LYPLAL1: variants seen among roughly 807,000 people sequenced by gnomAD.
LYPLAL1 encodes the protein lysophospholipase like 1.
A neutral mutation model predicts 19.7 loss-of-function variants in LYPLAL1; 23 were observed. The observed-to-expected ratio is 1.17, with a 90% CI of 0.84 to 1.65. The LOEUF (loss-of-function observed/expected upper bound fraction) is 1.65, where lower values mean the gene tolerates loss of function less well. Among genes scored for constraint, LYPLAL1 ranks in the 40% most tolerant of loss-of-function variants. LYPLAL1 has a pLI of 0.00. For synonymous variants in LYPLAL1, 119 were observed against 96.3 expected (o/e 1.24, Z -1.38); for missense variants, 355 against 279.4 (o/e 1.27, Z -1.93).
At chr1:219,181,469 A>G (rs1656276239) in intron 2 of LYPLAL1, among the ~76,000 whole-genome samples, 1 of 152,214 alleles carries the variant, frequency 6.6e-6, no homozygotes, top group African/African-American at 2.4e-5. Flanking sequence ...ATTAGTAGCA[A>G]AACATAGAAG....
chr1:219,274,674 G>A, the LYPLAL1 span, among the ~76,000 whole-genome samples: 16 of 152,022 alleles, frequency 1.1e-4, no homozygotes, highest in African/African-American at 3.1e-4. Context: ...ATGAGCCACC[G>A]CCCCCGGCCA....
chr1:219,304,047 C>A, the LYPLAL1 span, among the ~76,000 whole-genome samples: 1 of 152,170 alleles, frequency 6.6e-6, no homozygotes, highest in East Asian at 1.9e-4. Context: ...CAATGATTTA[C>A]AAACATAAAG....
At chr1:219,428,326 G>A in the LYPLAL1 span, among the ~76,000 whole-genome samples, 1 of 152,084 alleles carries the variant, frequency 6.6e-6, no homozygotes, top group Admixed American at 6.5e-5. Flanking sequence ...GTTTTGCCAG[G>A]GAAACATGAC....
At chr1:219,339,089 A>AC in the LYPLAL1 span, among the ~76,000 whole-genome samples, 2 of 151,912 alleles carry the variant, frequency 1.3e-5, no homozygotes, top group African/African-American at 4.8e-5. Flanking sequence ...CCTGGCACTA[A>AC]CAAGACCCTT....
the LYPLAL1 span, among the ~76,000 whole-genome samples, chr1:219,299,029 C>G: frequency 6.6e-6 from 1 of 152,040 alleles, no homozygotes; most frequent in Non-Finnish European, 1.5e-5. Context: ...AGAGCATTAA[C>G]ACAATCTTGG....
chr1:219,243,780 G>T, the LYPLAL1 span, among the ~76,000 whole-genome samples: 1 of 151,878 alleles, frequency 6.6e-6, no homozygotes, highest in Non-Finnish European at 1.5e-5. Flanking sequence ...TTAGCTGGAC[G>T]TGGTGGTGGG....
chr1:219,332,778 C>A, the LYPLAL1 span, among the ~76,000 whole-genome samples: 1 of 147,620 alleles, frequency 6.8e-6, no homozygotes, highest in African/African-American at 2.5e-5. Flanking sequence ...GATAGATTAT[C>A]TAAAGAAAGG....
the LYPLAL1 span, among the ~76,000 whole-genome samples, chr1:219,337,687 C>A: frequency 2.6e-5 from 4 of 151,970 alleles, no homozygotes; most frequent in Non-Finnish European, 5.9e-5. Flanking sequence ...TAAACCATAG[C>A]ACACAAAAGC....
At chr1:219,240,133 A>G in the LYPLAL1 span, among the ~76,000 whole-genome samples, 11 of 152,234 alleles carry the variant, frequency 7.2e-5, no homozygotes, top group Admixed American at 2.6e-4. Flanking sequence ...TTCATAGCCC[A>G]GCTGGGAAAG....
chr1:219,209,118 G>C (rs1243970289), intron 3 of LYPLAL1, among the ~76,000 whole-genome samples: 5 of 152,024 alleles, frequency 3.3e-5, no homozygotes, highest in African/African-American at 9.7e-5. Context: ...GGAGTTATTG[G>C]GGGTATTTTG....
At chr1:219,444,367 A>G in the LYPLAL1 span, among the ~76,000 whole-genome samples, 3 of 152,198 alleles carry the variant, frequency 2.0e-5, no homozygotes, top group Non-Finnish European at 4.4e-5. Flanking sequence ...AAAGGCTTGG[A>G]CTACATGTTT....
chr1:219,213,550 C>A (rs1369832916), downstream of LYPLAL1, among the ~76,000 whole-genome samples: 4 of 151,964 alleles, frequency 2.6e-5, no homozygotes, highest in African/African-American at 9.7e-5. Flanking sequence ...AATCCACAAA[C>A]ATGATATGTT....
intron 1 of LYPLAL1, among the ~76,000 whole-genome samples, chr1:219,176,866 C>T (rs1384250637): frequency 6.6e-6 from 1 of 152,170 alleles, no homozygotes; most frequent in African/African-American, 2.4e-5. Flanking sequence ...ATCACAGCCT[C>T]CATGTGTAAG....
the LYPLAL1 span, among the ~76,000 whole-genome samples, chr1:219,348,391 T>C: frequency 6.6e-6 from 1 of 152,220 alleles, no homozygotes; most frequent in South Asian, 2.1e-4. Context: ...TGTGGGTCTG[T>C]AAATCTCCTT....
the LYPLAL1 span, among the ~76,000 whole-genome samples, chr1:219,246,438 C>A: frequency 6.6e-6 from 1 of 152,108 alleles, no homozygotes; most frequent in East Asian, 1.9e-4. Context: ...TCAAATGTAT[C>A]TGAACATGAG....
the LYPLAL1 span, among the ~76,000 whole-genome samples, chr1:219,259,368 C>T: frequency 6.7e-6 from 1 of 149,066 alleles, no homozygotes; most frequent in Admixed American, 6.7e-5. Flanking sequence ...CCTAAATGCC[C>T]ATCAACCAAT....
At chr1:219,375,604 A>G in the LYPLAL1 span, among the ~76,000 whole-genome samples, 5 of 151,914 alleles carry the variant, frequency 3.3e-5, no homozygotes, top group Non-Finnish European at 7.4e-5. Context: ...TCAGAAGAAT[A>G]TAGTTGAAAC....
chr1:219,405,428 C>T, the LYPLAL1 span, among the ~76,000 whole-genome samples: 1 of 152,136 alleles, frequency 6.6e-6, no homozygotes, highest in Non-Finnish European at 1.5e-5. Context: ...AATAATCTAT[C>T]TTAGGAATAG....
chr1:219,218,163 T>C, the LYPLAL1 span, among the ~76,000 whole-genome samples: 15 of 152,108 alleles, frequency 9.9e-5, no homozygotes, highest in Admixed American at 9.8e-4. Context: ...GATAGTTCAA[T>C]TGAAGTATAA....
Sources: allele counts gnomAD v4.1 joint callset (sites outside exome capture counted in the v4.1 genomes callset), GRCh38; gene constraint gnomAD v4.1.1; transcripts MANE v1.5; gene names NCBI Gene and HGNC (gene_info 2026-07-23, HGNC 2026-07-21).